Variants in PIBF1 observed in about 807,000 individuals in gnomAD.
PIBF1 encodes the protein progesterone-induced-blocking factor 1.
A neutral mutation model predicts 112.5 loss-of-function variants in PIBF1; 90 were observed. The observed-to-expected ratio is 0.80, with a 90% CI of 0.67 to 0.95. The LOEUF is 0.95. Among genes scored for constraint, PIBF1 ranks in the 40% least tolerant of loss-of-function variants. PIBF1 has a pLI of 0.00. For synonymous variants in PIBF1, 301 were observed against 288.6 expected (o/e 1.04, Z -0.44); for missense variants, 915 against 852.3 (o/e 1.07, Z -0.92).
At chr13:72,885,368 T>A (rs1249341483) in intron 10 of PIBF1, among the ~76,000 whole-genome samples, 2 of 152,140 alleles carry the variant, frequency 1.3e-5, no homozygotes, top group African/African-American at 4.8e-5. Flanking sequence ...AGACTGCCCC[T>A]CATCAAATTA....
At chr13:72,954,258 C>G (rs540108212) in intron 14 of PIBF1, among the ~76,000 whole-genome samples, 41 of 152,334 alleles carry the variant, frequency 2.7e-4, no homozygotes, top group Non-Finnish European at 5.3e-4. Flanking sequence ...GAACACAAAA[C>G]TGCCCCAAGC....
chr13:72,818,610 A>G (rs563989429), intron 5 of PIBF1, among the ~76,000 whole-genome samples: 1 of 142,204 alleles, frequency 7.0e-6, no homozygotes, highest in South Asian at 2.2e-4. Context: ...AATCCATATA[A>G]TTTGTTTCTT....
intron 16 of PIBF1, among the ~76,000 whole-genome samples, chr13:72,976,323 A>G (rs959821085): frequency 4.0e-5 from 6 of 151,778 alleles, no homozygotes; most frequent in Admixed American, 3.3e-4. Context: ...AGGGAAGGAG[A>G]GGAAGAAGAA....
chr13:72,953,541 G>A (rs1286755580), intron 14 of PIBF1, among the ~76,000 whole-genome samples: 4 of 152,192 alleles, frequency 2.6e-5, no homozygotes, highest in East Asian at 1.9e-4. Flanking sequence ...AGTTCTGATG[G>A]GGGTAGGAGA....
chr13:72,804,261 A>G (rs1196243755), intron 5 of PIBF1, among the ~76,000 whole-genome samples: 1 of 152,188 alleles, frequency 6.6e-6, no homozygotes, highest in East Asian at 1.9e-4. Context: ...CTCCAATAAT[A>G]AAAGAGTAAT....
chr13:72,983,122 A>G (rs914134490), intron 16 of PIBF1, among the ~76,000 whole-genome samples: 1 of 152,040 alleles, frequency 6.6e-6, no homozygotes, highest in African/African-American at 2.4e-5. Flanking sequence ...GAGTCTAGGA[A>G]TTTGAGACCA....
At chr13:72,910,805 G>A (rs1390683312) in intron 12 of PIBF1, among the ~76,000 whole-genome samples, 1 of 152,124 alleles carries the variant, frequency 6.6e-6, no homozygotes, top group African/African-American at 2.4e-5. Flanking sequence ...GGAGAAGTAA[G>A]TAGCAACAAA....
At chr13:72,927,228 G>A (rs1009294704) in intron 13 of PIBF1, among the ~76,000 whole-genome samples, 9 of 151,956 alleles carry the variant, frequency 5.9e-5, no homozygotes, top group African/African-American at 1.5e-4. Flanking sequence ...GCCACTGTCC[G>A]GGCGTGGTGG....
At chr13:72,805,336 GTT>G (rs972936846) in intron 5 of PIBF1, among the ~76,000 whole-genome samples, 2 of 152,212 alleles carry the variant, frequency 1.3e-5, no homozygotes, top group African/African-American at 4.8e-5. Flanking sequence ...TAGAGACGGG[GTT>G]TCACCATGTT....
intron 5 of PIBF1, among the ~76,000 whole-genome samples, chr13:72,811,359 C>G (rs2036001216): frequency 6.6e-6 from 1 of 152,118 alleles, no homozygotes; most frequent in East Asian, 1.9e-4. Context: ...TACCAGCACT[C>G]TGGGAGCCCA....
At chr13:73,004,563 T>G (rs976788743) in intron 17 of PIBF1, among the ~76,000 whole-genome samples, 3 of 152,190 alleles carry the variant, frequency 2.0e-5, no homozygotes, top group African/African-American at 7.2e-5. Context: ...CCTTTTTAAT[T>G]GTTGAAGAAT....
rs35219701 is a variant in PIBF1, at chr13:72,809,132, C to CTTTTT, written c.672+11125_672+11129dup. Among the ~76,000 whole-genome samples the CTTTTT allele has an allele frequency of 4.1e-3, 303 of 74,660 alleles. 2 individuals are homozygous for CTTTTT. Among genetic ancestry groups the CTTTTT allele is most frequent in the Middle Eastern group, 0.013 (1 of 80 alleles). The allele number at this position is 74,660 out of a possible 152,430, so 49.0% of individuals were successfully genotyped here. ...CACCACTTGGGGGCAGTATATGTCC[C>CTTTTT]TTTTTTTTTTTTTTTTTTTTTTTAA... On this transcript the variant is annotated intron_variant, in intron 5 of 17. Coordinates refer to ENST00000326291, the MANE Select transcript of PIBF1 (RefSeq NM_006346.4).
At chr13:72,951,669 T>C (rs1231266737) in intron 14 of PIBF1, among the ~76,000 whole-genome samples, 1 of 152,146 alleles carries the variant, frequency 6.6e-6, no homozygotes, top group African/African-American at 2.4e-5. Context: ...TTAGGAAGAC[T>C]CCACCATGCC....
intron 10 of PIBF1, among the ~76,000 whole-genome samples, chr13:72,890,291 A>G (rs12429272): frequency 0.21 from 31,759 of 151,998 alleles, 3,404 homozygotes; most frequent in Middle Eastern, 0.27. Context: ...TGGGAGTTTA[A>G]TTCATCCTAG....
intron 15 of PIBF1, among the ~76,000 whole-genome samples, chr13:72,972,251 C>G (rs1012179442): frequency 4.0e-5 from 6 of 151,736 alleles, no homozygotes; most frequent in African/African-American, 1.2e-4. Flanking sequence ...AGACTAGGCT[C>G]GAACTCCTGG....
At chr13:72,908,471 T>G in intron 11 of PIBF1, 60 bp from the exon 12 acceptor site, 1 of 1,103,912 alleles carries the variant, frequency 9.1e-7, no homozygotes, top group Non-Finnish European at 1.3e-6. Context: ...GCATCATGTT[T>G]TTGTCTTAAC....
Position 72,786,075 on chromosome 13 carries a change from C to T in PIBF1, c.252+2354C>T, listed in dbSNP as rs149212567. ...TATAAAATGATAATAGTATTTATTCCGTGGAATTATCGGGAGGATTAATCA... is the reference window on the plus strand; with the variant it reads ...TATAAAATGATAATAGTATTTATTCTGTGGAATTATCGGGAGGATTAATCA... On this transcript the variant is annotated intron_variant, in intron 2 of 17. Coordinates refer to ENST00000326291, the MANE Select transcript of PIBF1 (RefSeq NM_006346.4). Among the ~76,000 whole-genome samples the T allele has an allele frequency of 1.4e-3, 213 of 152,132 alleles. 1 individual carries two copies. The highest frequency in any genetic ancestry group is 6.8e-3 in the Middle Eastern group (2 of 294).
intron 10 of PIBF1, among the ~76,000 whole-genome samples, chr13:72,892,806 A>ACACACACG (rs1318505236): frequency 4.8e-5 from 7 of 147,320 alleles, no homozygotes; most frequent in Non-Finnish European, 7.5e-5. Flanking sequence ...ACACACACAC[A>ACACACACG]CACGCACACG....
At chr13:72,813,214 A>C (rs188597204) in intron 5 of PIBF1, among the ~76,000 whole-genome samples, 59 of 152,340 alleles carry the variant, frequency 3.9e-4, no homozygotes, top group Non-Finnish European at 6.3e-4. Context: ...ACTGAATAGA[A>C]TAAGCATTGC....
Sources: allele counts gnomAD v4.1 joint callset (sites outside exome capture counted in the v4.1 genomes callset), GRCh38; gene constraint gnomAD v4.1.1; transcripts MANE v1.5; gene names NCBI Gene and HGNC (gene_info 2026-07-23, HGNC 2026-07-21).